The following PRRG4 variants were observed in gnomAD, a reference collection of about 807,000 sequenced individuals.
PRRG4 encodes the protein proline rich and Gla domain 4, also known as transmembrane gamma-carboxyglutamic acid protein 4.
PRRG4 carries 12 observed loss-of-function variants against 20.0 expected under a neutral mutation model. The observed-to-expected ratio is 0.60, with a 90% confidence interval of 0.38 to 0.97. PRRG4 has a LOEUF of 0.97. PRRG4 is among the 50% of genes least tolerant of loss of function. The pLI, the probability that PRRG4 is intolerant of heterozygous loss-of-function variation, is 0.00. For synonymous variants in PRRG4, 94 were observed against 96.4 expected (o/e 0.98, Z 0.15); for missense variants, 199 against 265.1 (o/e 0.75, Z 1.73).
At chr11:32,831,924 G>A (rs1040218015) in intron 2 of PRRG4, among the ~76,000 whole-genome samples, 19 of 152,054 alleles carry the variant, frequency 1.2e-4, no homozygotes, top group Non-Finnish European at 5.9e-5. Context: ...GGGAGGCAGA[G>A]GCTGCAGTGA....
intron 5 of PRRG4, among the ~76,000 whole-genome samples, chr11:32,849,016 T>G (rs12360669): frequency 0.065 from 9,785 of 150,152 alleles, 497 homozygotes; most frequent in Non-Finnish European, 0.088. Flanking sequence ...GAAATTAAGA[T>G]TCACCTATTG....
intron 1 of PRRG4, 85 bp downstream of exon 1, chr11:32,830,258 A>G (rs1850954469): frequency 9.7e-7 from 1 of 1,029,376 alleles, no homozygotes; most frequent in Non-Finnish European, 1.2e-6. Context: ...ATTCGAACAC[A>G]TAGCGAGGGT....
Position 32,840,030 on chromosome 11 carries a change from C to T in PRRG4, c.317-77C>T. 1 of 1,090,000 alleles carries T rather than the reference C, an allele frequency of 9.2e-7. No homozygotes were observed. Among genetic ancestry groups the T allele is most frequent in the Non-Finnish European group, 1.4e-6 (1 of 727,216 alleles). 67.5% of individuals were successfully genotyped at this position (1,090,000 alleles called of 1,614,324 possible). ...AGATGCTGTATAATGTGTTTAGAAC[C>T]AGGATTAAATTTGTTGAAATCATAG... On this transcript the variant is annotated intron_variant, in intron 4 of 5. Transcript: ENST00000257836. This position sits in a 1 kb window ranked among gnomAD's most constrained non-coding sequence, Gnocchi z 4.1.
intron 5 of PRRG4, among the ~76,000 whole-genome samples, chr11:32,842,668 C>T (rs1426953347): frequency 1.3e-5 from 2 of 151,532 alleles, no homozygotes; most frequent in Admixed American, 6.6e-5. Flanking sequence ...TGTGGTGAGC[C>T]GAGATCAAGC....
intron 5 of PRRG4, among the ~76,000 whole-genome samples, chr11:32,852,939 A>ATTTTTTTTTTTTTTTTTTTT: frequency 1.0e-5 from 1 of 99,122 alleles, no homozygotes. Context: ...TGCCCGGCTA[A>ATTTTTTTTTTTTTTTTTTTT]TTTTTTTTTT....
In PRRG4 at chr11:32,846,774, C is replaced by T. The variant is rs560308021; in HGVS notation, c.450-6522C>T. Among the ~76,000 whole-genome samples, 10 of 152,142 alleles carry T rather than the reference C, an allele frequency of 6.6e-5. No individual in the cohort carries two copies. The South Asian group carries it at 1.9e-3, about 28-fold the overall frequency. The stretch of plus-strand genomic sequence containing the variant: ...CAGCACTTTAGGAGGCCGAGGCAGG[C>T]GGATCACGAGGTCAAGAGATTGAGA... On this transcript the variant is annotated intron_variant, in intron 5 of 5. Coordinates refer to ENST00000257836, the MANE Select transcript of PRRG4 (RefSeq NM_024081.6).
chr11:32,830,366 G>A (rs1850956009), intron 1 of PRRG4, 142 bp from the exon 2 acceptor site: 1 of 844,198 alleles, frequency 1.2e-6, no homozygotes, highest in Non-Finnish European at 1.6e-6. Flanking sequence ...GGCGCGCGTC[G>A]GGTTCCGGCG....
chr11:32,829,978 C>G lies in PRRG4; in HGVS notation c.-218C>G. 1.0e-6 allele frequency: 1 copy of G among 984,658 alleles called. No individual in the cohort carries two copies. The highest frequency in any genetic ancestry group is 1.2e-6 in the Non-Finnish European group (1 of 829,514). The allele number at this position is 984,658 out of a possible 1,614,324, so 61.0% of individuals were successfully genotyped here. A position where few individuals can be genotyped will look rare whatever the true frequency, so the allele number is the denominator to read the frequency against. Reference sequence around the variant, plus strand: ...GGCAGGACCTCACCCCGCGCGTGTTCCCCGGGCGCCCCTCTGCGAACCCCA... The same window carrying G: ...GGCAGGACCTCACCCCGCGCGTGTTGCCCGGGCGCCCCTCTGCGAACCCCA... On this transcript the variant is annotated 5_prime_UTR_variant, in exon 1 of 6. Coordinates refer to ENST00000257836, the MANE Select transcript of PRRG4 (RefSeq NM_024081.6).
intron 5 of PRRG4, among the ~76,000 whole-genome samples, chr11:32,845,918 G>A (rs1299872500): frequency 1.3e-5 from 2 of 152,036 alleles, no homozygotes; most frequent in African/African-American, 4.8e-5. Context: ...GCTTTGGGAA[G>A]CCGAGGCAGG....
intron 5 of PRRG4, 22 bp from the exon 6 acceptor site, chr11:32,853,274 T>A: frequency 1.9e-6 from 3 of 1,579,684 alleles, no homozygotes; most frequent in Non-Finnish European, 2.6e-6. Context: ...TTCCTAGACC[T>A]AAATGTTGTC....
chr11:32,838,788 A>G (rs1369308967), intron 3 of PRRG4, 94 bp from the exon 4 acceptor site: 5 of 868,842 alleles, frequency 5.8e-6, no homozygotes, highest in Non-Finnish European at 9.7e-6. Flanking sequence ...GGTGCATGCC[A>G]AGAGTTTACT....
At position 32,830,073 on chromosome 11, in the gene PRRG4, G is replaced by A. The variant is rs961357065; in HGVS notation, c.-123G>A. The A allele has an allele frequency of 1.4e-5, 14 of 989,110 alleles. No individual in the cohort carries two copies. In the Admixed American group the frequency reaches 3.0e-4, roughly 21 times the overall value. The allele number at this position is 989,110 out of a possible 1,614,324, so 61.3% of individuals were successfully genotyped here. On this transcript the variant is annotated 5_prime_UTR_variant, in exon 1 of 6. Coordinates refer to ENST00000257836, the MANE Select transcript of PRRG4 (RefSeq NM_024081.6). ...AGAGCGAGGCCCGGAGCGTCGCCGAGGTTTGAGGGCGCCGGAGACCGAGGG... is the reference window on the plus strand; with the variant it reads ...AGAGCGAGGCCCGGAGCGTCGCCGAAGTTTGAGGGCGCCGGAGACCGAGGG...
intron 5 of PRRG4, among the ~76,000 whole-genome samples, chr11:32,850,264 C>T (rs1320985408): frequency 6.6e-6 from 1 of 152,200 alleles, no homozygotes; most frequent in Non-Finnish European, 1.5e-5. Flanking sequence ...AACTTTTCTG[C>T]GTCACTATGT....
At chr11:32,838,479 A>G (rs1851045094) in intron 3 of PRRG4, among the ~76,000 whole-genome samples, 1 of 152,006 alleles carries the variant, frequency 6.6e-6, no homozygotes, top group African/African-American at 2.4e-5. Context: ...CTCCTGAGAC[A>G]AACTGAGGGC....
chr11:32,839,340 A>C lies in PRRG4; in HGVS notation c.316+410A>C, dbSNP rs1041273352. Among the ~76,000 whole-genome samples, 10 of 152,156 alleles carry C rather than the reference A, an allele frequency of 6.6e-5. 1 individual carries two copies. Among genetic ancestry groups the C allele is most frequent in the Non-Finnish European group, 1.3e-4 (9 of 68,034 alleles). The stretch of plus-strand genomic sequence containing the variant: ...GAATTAAGTAACTTGTAGAGAGGGG[A>C]GATCTTTATCTCATCTGTATTGATC... On this transcript the variant is annotated intron_variant, in intron 4 of 5. Transcript: ENST00000257836.
At position 32,854,267 on chromosome 11, in the gene PRRG4, A is replaced by C. The variant is rs988912310; in HGVS notation, c.*740A>C. 15 of 152,236 alleles carry C rather than the reference A, an allele frequency of 9.9e-5. No individual in the cohort carries two copies. Among genetic ancestry groups the C allele is most frequent in the African/African-American group, 3.6e-4 (15 of 41,462 alleles). The allele number at this position is 152,236 out of a possible 1,614,324, so 9.4% of individuals were successfully genotyped here. A position where few individuals can be genotyped will look rare whatever the true frequency, so the allele number is the denominator to read the frequency against. ...GGATGTCTAACCATTAAGATTATCC[A>C]AAGTCAGGCTGGGCGCAGTGGCTCA... is the stretch of plus-strand genomic sequence containing the variant. On this transcript the variant is annotated 3_prime_UTR_variant, in exon 6 of 6. Coordinates refer to ENST00000257836, the MANE Select transcript of PRRG4 (RefSeq NM_024081.6).
chr11:32,845,373 C>G (rs367924075), intron 5 of PRRG4, among the ~76,000 whole-genome samples: 1 of 152,100 alleles, frequency 6.6e-6, no homozygotes, highest in African/African-American at 2.4e-5. Flanking sequence ...CGTCTGTAAT[C>G]CCAGCACTTT....
chr11:32,840,293 T>C lies in PRRG4; in HGVS notation c.449+54T>C. On this transcript the variant is annotated intron_variant, in intron 5 of 5. Coordinates refer to ENST00000257836, the MANE Select transcript of PRRG4 (RefSeq NM_024081.6). This position sits in a 1 kb window ranked among gnomAD's most constrained non-coding sequence, Gnocchi z 4.1. Reference sequence around the variant, plus strand: ...ATCACTAGACATTCTATATTATTATTTTAACAATGGGTCAAGCAAATGGCT... The same window carrying C: ...ATCACTAGACATTCTATATTATTATCTTAACAATGGGTCAAGCAAATGGCT... 1 of 1,299,208 alleles carries C rather than the reference T, an allele frequency of 7.7e-7. No homozygotes were observed. Among genetic ancestry groups the C allele is most frequent in the African/African-American group, 1.5e-5 (1 of 68,126 alleles). The allele number at this position is 1,299,208 out of a possible 1,614,324, so 80.5% of individuals were successfully genotyped here.
At chr11:32,838,197 T>C (rs1016807963) in intron 3 of PRRG4, among the ~76,000 whole-genome samples, 16 of 152,120 alleles carry the variant, frequency 1.1e-4, no homozygotes, top group African/African-American at 3.9e-4. Context: ...TGGCTCATGC[T>C]TGTAATCCCA....
Sources: gnomAD v4.1 joint callset for allele counts (sites outside exome capture counted in the v4.1 genomes callset) on GRCh38, gnomAD v4.1.1 for gene constraint, Gnocchi (gnomAD v3.1) non-coding constraint, MANE v1.5 for transcripts, NCBI Gene and HGNC (gene_info 2026-07-23, HGNC 2026-07-21) for gene names.